The following AFAP1 variants were observed in gnomAD, a reference collection of about 807,000 sequenced individuals.
AFAP1 encodes the protein actin filament-associated protein 1.
A neutral mutation model predicts 93.9 loss-of-function variants in AFAP1; 75 were observed. The ratio of observed to expected loss-of-function variants is 0.80; its 90% confidence interval spans 0.66 to 0.97. The LOEUF is 0.97. Ranked by LOEUF, AFAP1 falls within the 50% of genes least tolerant of loss-of-function variation. The probability of loss-of-function intolerance (pLI) is 0.00; values close to 1 mark genes in which losing one functional copy is unlikely to be tolerated. For synonymous variants in AFAP1, 517 were observed against 430.7 expected, an observed-to-expected ratio of 1.20 and a Z score of -2.48; for missense variants, 1,201 against 1,050.8, an observed-to-expected ratio of 1.14 and a Z score of -1.98.
At chr4:7,793,945 G>C in intron 10 of AFAP1, 119 bp from the exon 11 acceptor site, 1 of 1,166,348 alleles carries the variant, frequency 8.6e-7, no homozygotes, top group Non-Finnish European at 1.1e-6. Context: ...TCCCTAAGAA[G>C]AAACGAAAAG....
At chr4:7,887,399 G>A (rs188763353) in intron 1 of AFAP1, among the ~76,000 whole-genome samples, 30 of 152,140 alleles carry the variant, frequency 2.0e-4, no homozygotes, top group African/African-American at 7.0e-4. Context: ...CAGAAATGAC[G>A]ATGGGTGTTA....
At chr4:7,801,688 C>T (rs955314799) in intron 9 of AFAP1, among the ~76,000 whole-genome samples, 1 of 151,986 alleles carries the variant, frequency 6.6e-6, no homozygotes, top group African/African-American at 2.4e-5. Flanking sequence ...GCTACTCCTT[C>T]AATTCACACA....
In AFAP1 at chr4:7,819,064, C is replaced by T; in HGVS notation, c.822+12G>A. 1.9e-6 allele frequency: 3 copies of T among 1,594,300 alleles called. No homozygotes were observed. The highest frequency in any genetic ancestry group is 2.6e-6 in the Non-Finnish European group (3 of 1,171,472). On this transcript the variant is annotated intron_variant, in intron 7 of 17. Coordinates refer to ENST00000420658, the MANE Select transcript of AFAP1 (RefSeq NM_001134647.2). Reference sequence around the variant, plus strand: ...GGTCACCGTCCCCACCCAGCAAGAGCAGCGCCCTTACCTTCTCCAGTTCTG... The same window carrying T: ...GGTCACCGTCCCCACCCAGCAAGAGTAGCGCCCTTACCTTCTCCAGTTCTG...
rs115047505 is a variant in AFAP1, at chr4:7,828,135, C to A, written c.727-8964G>T. ...ATACAGTAAACATATTGTGGTTCTT[C>A]CTTGAGAACTCTGGCAAAGCCACTA... is the stretch of plus-strand genomic sequence containing the variant. On this transcript the variant is annotated intron_variant, in intron 6 of 17. Transcript: ENST00000420658. Among the ~76,000 whole-genome samples, 346 of 152,216 alleles carry A rather than the reference C, an allele frequency of 2.3e-3. 1 individual carries two copies. The highest frequency in any genetic ancestry group is 7.9e-3 in the African/African-American group (330 of 41,528).
intron 6 of AFAP1, among the ~76,000 whole-genome samples, chr4:7,825,971 G>C (rs986676658): frequency 2.3e-4 from 30 of 127,866 alleles, no homozygotes; most frequent in Admixed American, 5.6e-4. Flanking sequence ...AAAAAAAAAA[G>C]TCCTAGTACG....
At chr4:7,787,472 T>C (rs749574302) in intron 11 of AFAP1, among the ~76,000 whole-genome samples, 1 of 152,246 alleles carries the variant, frequency 6.6e-6, no homozygotes, top group African/African-American at 2.4e-5. Context: ...ATCCTGGACC[T>C]GTGACTGGCA....
At chr4:7,906,916 C>T (rs748868042) in intron 1 of AFAP1, among the ~76,000 whole-genome samples, 1 of 151,630 alleles carries the variant, frequency 6.6e-6, no homozygotes, top group African/African-American at 2.4e-5. Flanking sequence ...GAGGAAGAAC[C>T]GCTTGAACTC....
chr4:7,768,677 G>A (rs796144791), intron 17 of AFAP1, among the ~76,000 whole-genome samples, 167 bp downstream of exon 17: 20 of 152,300 alleles, frequency 1.3e-4, no homozygotes, highest in South Asian at 4.1e-4. Flanking sequence ...CAGGATCTGC[G>A]GGGTGGTGAG....
At chr4:7,819,521 G>T (rs1211656330) in intron 6 of AFAP1, among the ~76,000 whole-genome samples, 13 of 152,318 alleles carry the variant, frequency 8.5e-5, no homozygotes, top group Non-Finnish European at 4.4e-5. Flanking sequence ...AAGAACAAAA[G>T]ATAGTGGGTG....
intron 1 of AFAP1, among the ~76,000 whole-genome samples, chr4:7,900,726 T>C (rs147065363): frequency 2.6e-3 from 394 of 152,320 alleles, no homozygotes; most frequent in Non-Finnish European, 4.5e-3. Context: ...ACTAAAAACC[T>C]TGGAAACGGA....
intron 3 of AFAP1, among the ~76,000 whole-genome samples, chr4:7,856,094 G>A (rs1003591401): frequency 1.3e-5 from 2 of 152,226 alleles, no homozygotes; most frequent in South Asian, 2.1e-4. Context: ...CTGGCTGAGT[G>A]CACGAGTGAG....
At chr4:7,807,884 C>A (rs1404971883) in intron 9 of AFAP1, among the ~76,000 whole-genome samples, 8 of 152,338 alleles carry the variant, frequency 5.3e-5, no homozygotes. Context: ...CTCCTCCTGA[C>A]CACCATGGCC....
intron 6 of AFAP1, among the ~76,000 whole-genome samples, chr4:7,836,824 C>CAAA (rs111804837): frequency 5.6e-5 from 8 of 143,358 alleles, no homozygotes; most frequent in Non-Finnish European, 1.1e-4. Context: ...GTGAATATAC[C>CAAA]AAAAAAAAAA....
chr4:7,838,536 C>G lies in AFAP1; in HGVS notation c.714G>C (p.Glu238Asp), dbSNP rs561965092. 22 of 1,613,694 alleles carry G rather than the reference C, an allele frequency of 1.4e-5. No homozygotes were observed. In the South Asian group the frequency reaches 2.4e-4, roughly 18 times the overall value. Residue 238 changes from glutamate to aspartate, a missense_variant, in exon 6 of 18, where the codon GAG becomes GAC. Coordinates refer to ENST00000420658, the MANE Select transcript of AFAP1 (RefSeq NM_001134647.2). ...VLAVQSKEQA[E>D]QWLKVIKEAY... The stretch of plus-strand genomic sequence containing the variant: ...GCAGACAACCTACCTTCAGCCACTG[C>G]TCGGCCTGTTCCTTGCTCTGGACGG...
At chr4:7,903,406 G>A (rs1324722363) in intron 1 of AFAP1, among the ~76,000 whole-genome samples, 1 of 152,238 alleles carries the variant, frequency 6.6e-6, no homozygotes, top group Non-Finnish European at 1.5e-5. Context: ...GCGACCAGGC[G>A]CGGTGGCTCA....
intron 14 of AFAP1, 135 bp downstream of exon 14, chr4:7,778,623 GAGGA>G: frequency 2.5e-6 from 2 of 815,792 alleles, no homozygotes; most frequent in Non-Finnish European, 4.2e-6. Context: ...TGTGGCTGAT[GAGGA>G]AGGATGACGG....
chr4:7,872,909 C>T (rs1475538560), intron 1 of AFAP1, among the ~76,000 whole-genome samples: 13 of 144,180 alleles, frequency 9.0e-5, no homozygotes, highest in Non-Finnish European at 4.5e-5. Flanking sequence ...TCACCATATA[C>T]TCACAGGTTT....
At chr4:7,855,427 T>A (rs1374585844) in intron 4 of AFAP1, 39 bp downstream of exon 4, 1 of 1,473,904 alleles carries the variant, frequency 6.8e-7, no homozygotes. Context: ...GTCCTGCCAA[T>A]CACAAAGGCA....
chr4:7,766,536 CAG>C (rs998893272), intron 17 of AFAP1, among the ~76,000 whole-genome samples: 2 of 119,836 alleles, frequency 1.7e-5, no homozygotes, highest in Non-Finnish European at 3.5e-5. Flanking sequence ...GGGCAGGAAA[CAG>C]AATCTCCAGG....
Sources: allele counts gnomAD v4.1 joint callset (sites outside exome capture counted in the v4.1 genomes callset), GRCh38; gene constraint gnomAD v4.1.1; transcripts MANE v1.5; gene names NCBI Gene and HGNC (gene_info 2026-07-23, HGNC 2026-07-21).